TCF20: variants seen among roughly 807,000 people sequenced by gnomAD.
TCF20 encodes the protein transcription factor 20, also known as SPRE-binding protein.
Under a neutral mutation model 148.6 loss-of-function variants are expected in TCF20, and 3 were observed. The observed-to-expected ratio is 0.02, with a 90% confidence interval of 0.01 to 0.05. The LOEUF is 0.05. Ranked by LOEUF, TCF20 falls within the 10% of genes least tolerant of loss-of-function variation. The probability of loss-of-function intolerance (pLI) is 1.00; values close to 1 mark genes in which losing one functional copy is unlikely to be tolerated. For missense variants in TCF20, 2,350 were observed against 2,429.3 expected (o/e 0.97, Z 0.69); for synonymous variants, 1,049 against 909.5 (o/e 1.15, Z -2.76).
intron 1 of TCF20, among the ~76,000 whole-genome samples, chr22:42,262,131 C>A (rs1217115210): frequency 6.6e-6 from 1 of 152,094 alleles, no homozygotes; most frequent in East Asian, 1.9e-4. Flanking sequence ...CCCTTGTGAA[C>A]CATGTGGGGG....
intron 1 of TCF20, among the ~76,000 whole-genome samples, chr22:42,301,246 G>T (rs1310292481): frequency 6.6e-6 from 1 of 152,166 alleles, no homozygotes; most frequent in East Asian, 1.9e-4. Context: ...TTCACTATGG[G>T]GCTGTCAGGA....
chr22:42,175,628 C>T (rs1021557040), intron 3 of TCF20, among the ~76,000 whole-genome samples: 2 of 152,022 alleles, frequency 1.3e-5, no homozygotes, highest in African/African-American at 4.8e-5. Context: ...TGTGAGCCAC[C>T]GTGCCTGGCC....
upstream of TCF20, among the ~76,000 whole-genome samples, chr22:42,272,546 T>TA (rs1926663809): frequency 6.6e-6 from 1 of 152,174 alleles, no homozygotes; most frequent in South Asian, 2.1e-4. Context: ...AGGGAAAGAA[T>TA]AAAGAATGCA....
At chr22:42,324,123 T>G (rs141203456) in intron 1 of TCF20, among the ~76,000 whole-genome samples, 174 of 848 alleles carry the variant, frequency 0.21, 11 homozygotes, top group East Asian at 0.6. Flanking sequence ...TGGTGGTGGT[T>G]ATGGTGGTGG....
intron 1 of TCF20, among the ~76,000 whole-genome samples, chr22:42,269,459 G>A (rs1013083904): frequency 6.6e-5 from 10 of 152,082 alleles, no homozygotes; most frequent in African/African-American, 2.4e-4. Flanking sequence ...GCCGCTCCTC[G>A]GCACCGCCCC....
At chr22:42,270,272 C>T (rs1353365027) in intron 1 of TCF20, among the ~76,000 whole-genome samples, 67 bp downstream of exon 1, 2 of 151,926 alleles carry the variant, frequency 1.3e-5, no homozygotes, top group Non-Finnish European at 1.5e-5. Flanking sequence ...AGGCCGGACA[C>T]CCCGGCCCGG....
chr22:42,292,522 C>T lies in TCF20; in HGVS notation c.-37+50957G>A, dbSNP rs563886331. 4.9e-4 allele frequency among the ~76,000 whole-genome samples: 74 copies of T among 152,294 alleles called. No individual in the cohort carries two copies. The highest frequency in any genetic ancestry group is 1.7e-3 in the African/African-American group (71 of 41,554). Reference sequence around the variant, plus strand: ...GACATAACAAGGGCTCAGCCTGGCCCTCAATGAGGTAACATCCTGCGTGTC... The same window carrying T: ...GACATAACAAGGGCTCAGCCTGGCCTTCAATGAGGTAACATCCTGCGTGTC... On this transcript the variant is annotated intron_variant, in intron 1 of 1. Transcript: ENST00000515426. The surrounding 1 kb of genome is among the most constrained non-coding windows in gnomAD (Gnocchi z 4.9).
intron 1 of TCF20, among the ~76,000 whole-genome samples, chr22:42,295,442 CT>C (rs869294446): frequency 0.021 from 2,853 of 134,616 alleles, 87 homozygotes; most frequent in African/African-American, 0.07. Flanking sequence ...GTTTTCTTTT[CT>C]TTTTTTTTTT....
chr22:42,201,725 G>GC (rs1357180306), intron 2 of TCF20, among the ~76,000 whole-genome samples: 1 of 151,942 alleles, frequency 6.6e-6, no homozygotes, highest in Non-Finnish European at 1.5e-5. Flanking sequence ...CCGAAATTGT[G>GC]CCATTGCGGT....
At chr22:42,326,642 G>A (rs985356889) in intron 1 of TCF20, among the ~76,000 whole-genome samples, 9 of 152,196 alleles carry the variant, frequency 5.9e-5, no homozygotes, top group Non-Finnish European at 1.0e-4. Flanking sequence ...CAGCCCTGCC[G>A]TTTAGCCAGG....
rs1927284753 is a variant in TCF20, at chr22:42,299,044, T to C, written c.-37+44435A>G. The stretch of plus-strand genomic sequence containing the variant: ...CTGAAACAGAGAATAACCATGGCAG[T>C]GATGGGTGGGCTCCAAGGGTTCCCA... On this transcript the variant is annotated intron_variant, in intron 1 of 1. Coordinates refer to the TCF20 transcript ENST00000515426. The surrounding 1 kb of genome is among the most constrained non-coding windows in gnomAD (Gnocchi z 4.1). 2.6e-5 allele frequency among the ~76,000 whole-genome samples: 4 copies of C among 152,238 alleles called. No individual in the cohort carries two copies. Among genetic ancestry groups the C allele is most frequent in the Admixed American group, 2.6e-4 (4 of 15,302 alleles).
intron 1 of TCF20, among the ~76,000 whole-genome samples, chr22:42,303,144 G>A (rs1189178571): frequency 6.6e-6 from 1 of 152,220 alleles, no homozygotes; most frequent in East Asian, 1.9e-4. Context: ...TGGCCAGGCT[G>A]GTCTCAAACT....
chr22:42,286,447 C>A (rs1382448330), upstream of TCF20, among the ~76,000 whole-genome samples: 5 of 152,162 alleles, frequency 3.3e-5, no homozygotes, highest in Middle Eastern at 3.2e-3. Flanking sequence ...CTTCTTAGAG[C>A]CACACATGCT....
At chr22:42,325,536 C>T (rs1927859754) in intron 1 of TCF20, among the ~76,000 whole-genome samples, 2 of 152,148 alleles carry the variant, frequency 1.3e-5, no homozygotes, top group Non-Finnish European at 2.9e-5. Flanking sequence ...CACACCAGCT[C>T]GGGGGGAGGG....
intron 2 of TCF20, among the ~76,000 whole-genome samples, chr22:42,184,454 C>T (rs995125187): frequency 2.6e-5 from 4 of 152,126 alleles, no homozygotes; most frequent in African/African-American, 9.7e-5. Context: ...TTCCCTTCTA[C>T]CCAAAAATCA....
chr22:42,208,875 G>A (rs896573443), intron 2 of TCF20, among the ~76,000 whole-genome samples: 4 of 152,190 alleles, frequency 2.6e-5, no homozygotes, highest in Admixed American at 6.5e-5. Flanking sequence ...ATCTCATAGA[G>A]TAGCCAACAC....
chr22:42,269,268 C>T (rs1926459904), intron 1 of TCF20, among the ~76,000 whole-genome samples: 1 of 152,016 alleles, frequency 6.6e-6, no homozygotes, highest in African/African-American at 2.4e-5. Context: ...ATCCATTTTA[C>T]AGCAGTTACC....
At chr22:42,285,009 C>T (rs1291668582), upstream of TCF20, among the ~76,000 whole-genome samples, 1 of 152,238 alleles carries the variant, frequency 6.6e-6, no homozygotes, top group Non-Finnish European at 1.5e-5. This position sits in a 1 kb window ranked among gnomAD's most constrained non-coding sequence, Gnocchi z 4.2. Context: ...CATCCTTGGC[C>T]TGGTGGGGAC....
intron 1 of TCF20, among the ~76,000 whole-genome samples, chr22:42,329,350 G>A (rs759017200): frequency 3.3e-5 from 5 of 152,368 alleles, no homozygotes; most frequent in South Asian, 2.1e-4. Context: ...CAGCCTGAAC[G>A]CACCTGCCAG....
Sources: allele counts gnomAD v4.1 joint callset (sites outside exome capture counted in the v4.1 genomes callset), GRCh38; gene constraint gnomAD v4.1.1; non-coding constraint Gnocchi (gnomAD v3.1); transcripts MANE v1.5; gene names NCBI Gene and HGNC (gene_info 2026-07-23, HGNC 2026-07-21).